The following ARHGEF1 variants were observed in gnomAD, a reference collection of about 807,000 sequenced individuals.
ARHGEF1 encodes 115 kDa guanine nucleotide exchange factor.
ARHGEF1 carries 40 observed loss-of-function variants against 119.7 expected under a neutral mutation model. The ratio of observed to expected loss-of-function variants is 0.33; its 90% confidence interval spans 0.26 to 0.44. The LOEUF (loss-of-function observed/expected upper bound fraction) is 0.44, where lower values mean the gene tolerates loss of function less well. Ranked by LOEUF, ARHGEF1 falls within the 20% of genes least tolerant of loss-of-function variation. The probability of loss-of-function intolerance (pLI) is 1.00; values close to 1 mark genes in which losing one functional copy is unlikely to be tolerated. For missense variants in ARHGEF1, 976 were observed against 1,268.3 expected, an observed-to-expected ratio of 0.77 and a Z score of 3.50; for synonymous variants, 494 against 521.0, an observed-to-expected ratio of 0.95 and a Z score of 0.71.
At chr19:41,893,718 T>C (rs10415864) in intron 8 of ARHGEF1, among the ~76,000 whole-genome samples, 3 of 19,470 alleles carry the variant, frequency 1.5e-4, no homozygotes, top group African/African-American at 3.9e-4. Context: ...GGCCTGGACG[T>C]CTGGGTCTGA....
rs1555850302 is a variant in ARHGEF1 at position 41,906,683 on chromosome 19, C to T, written c.2656-20C>T. 1 of 1,602,186 alleles carries T rather than the reference C, an allele frequency of 6.2e-7. No homozygotes were observed. The highest frequency in any genetic ancestry group is 1.3e-5 in the African/African-American group (1 of 74,188). ...GGGGAAGGAAGGGGCCCCCCTCATC[C>T]ATGACCCCCACCCCACCAGGAGTTG... On this transcript the variant is annotated intron_variant, in intron 27 of 28. Coordinates refer to ENST00000354532, the MANE Select transcript of ARHGEF1 (RefSeq NM_004706.4). The surrounding 1 kb of genome is among the most constrained non-coding windows in gnomAD (Gnocchi z 4.5).
chr19:41,888,832 G>A lies in ARHGEF1; in HGVS notation c.192G>A (p.Gln64=). The A allele has an allele frequency of 6.2e-7, 1 of 1,614,230 alleles. No homozygotes were observed. Among genetic ancestry groups the A allele is most frequent in the South Asian group, 1.1e-5 (1 of 91,086 alleles). Residue 64 remains glutamine (Q), a synonymous_variant, in exon 4 of 29, where the codon CAG becomes CAA. Transcript: ENST00000354532. This position sits in a 1 kb window ranked among gnomAD's most constrained non-coding sequence, Gnocchi z 5.1. ...CAGCCCACCTCATGGCCCTCCTGCAGCACGTGGCCCTGCAGTTTGAGCCAG... is the reference window on the plus strand; with the variant it reads ...CAGCCCACCTCATGGCCCTCCTGCAACACGTGGCCCTGCAGTTTGAGCCAG... ...RRPAHLMALL[Q]HVALQFEPGP... is the part of the protein sequence containing the mutation.
Position 41,905,240 on chromosome 19 carries a change from AGCCCCG to A in ARHGEF1, c.2320_2325del (p.Arg774_Pro775del). 1.2e-6 allele frequency: 2 copies of A among 1,613,726 alleles called. No homozygotes were observed. Among genetic ancestry groups the A allele is most frequent in the Non-Finnish European group, 1.7e-6 (2 of 1,179,890 alleles). ...GTCCCTGCCCCTGCCTCTCGCCCTA[AGCCCCG>A]GCCCAGCCCGAGCAGGTGAGGGGGG... On this transcript the variant is annotated inframe_deletion, in exon 24 of 29. Transcript: ENST00000354532. The surrounding 1 kb of genome is among the most constrained non-coding windows in gnomAD (Gnocchi z 6.4).
At position 41,916,882 on chromosome 19, in the gene ARHGEF1, A is replaced by G. The variant is rs2145896939; in HGVS notation, c.1866-6210A>G. Among the ~76,000 whole-genome samples the G allele has an allele frequency of 6.6e-6, 1 of 152,124 alleles. No homozygotes were observed. The highest frequency in any genetic ancestry group is 6.5e-5 in the Admixed American group (1 of 15,282). ...CAGAGGTACACACAGACACACCCAGACACACTGGGTAGGGGTGGGCACTCA... is the reference window on the plus strand; with the variant it reads ...CAGAGGTACACACAGACACACCCAGGCACACTGGGTAGGGGTGGGCACTCA... On this transcript the variant is annotated intron_variant, in intron 18 of 20. Transcript: ENST00000599589. The surrounding 1 kb of genome is among the most constrained non-coding windows in gnomAD (Gnocchi z 5.4).
In ARHGEF1 at chr19:41,905,458, G is replaced by C; in HGVS notation, c.2336+197G>C. 3 of 616,444 alleles carry C rather than the reference G, an allele frequency of 4.9e-6. No homozygotes were observed. In the South Asian group the frequency reaches 5.9e-5, roughly 12 times the overall value. 38.2% of individuals were successfully genotyped at this position (616,444 alleles called of 1,614,324 possible). On this transcript the variant is annotated intron_variant, in intron 24 of 28. Transcript: ENST00000354532. This position sits in a 1 kb window ranked among gnomAD's most constrained non-coding sequence, Gnocchi z 6.4. Reference sequence around the variant, plus strand: ...AGTGTGTGTATGCATGCATGTGTGCGTGTGCATGTGTGTGCGTGTATGGTG... The same window carrying C: ...AGTGTGTGTATGCATGCATGTGTGCCTGTGCATGTGTGTGCGTGTATGGTG...
chr19:41,920,179 C>T (rs1245448910), upstream of ARHGEF1, among the ~76,000 whole-genome samples: 13 of 127,472 alleles, frequency 1.0e-4, no homozygotes, highest in South Asian at 4.0e-4. Context: ...AGACATGACA[C>T]GCTCACAGAC....
At chr19:41,898,210 C>G (rs1300831921) in intron 13 of ARHGEF1, 2 of 1,394,596 alleles carry the variant, frequency 1.4e-6, no homozygotes, top group Non-Finnish European at 1.9e-6. Flanking sequence ...CGTTGGAGAC[C>G]GAGGTCATTG....
Position 41,892,745 on chromosome 19 carries a change from G to C in ARHGEF1, c.510G>C (p.Gln170His). 1 of 1,610,750 alleles carries C rather than the reference G, an allele frequency of 6.2e-7. No homozygotes were observed. The change falls in exon 7 of 29, where the codon CAG becomes CAC. Residue 170 changes from glutamine to histidine, a missense_variant. Coordinates refer to ENST00000354532, the MANE Select transcript of ARHGEF1 (RefSeq NM_004706.4). The surrounding 1 kb of genome is among the most constrained non-coding windows in gnomAD (Gnocchi z 6.3). ...KRLMGMTPWE[Q>H]ELAQLEAWVG... Reference sequence around the variant, plus strand: ...TCATGGGCATGACGCCCTGGGAGCAGGAGCTGGCCCAGCTGGAGGCTTGGG... The same window carrying C: ...TCATGGGCATGACGCCCTGGGAGCACGAGCTGGCCCAGCTGGAGGCTTGGG...
chr19:41,887,760 C>T (rs2074315456), intron 1 of ARHGEF1, among the ~76,000 whole-genome samples: 1 of 152,164 alleles, frequency 6.6e-6, no homozygotes, highest in African/African-American at 2.4e-5. Flanking sequence ...TCCAGGCCCC[C>T]AGCCCCCTCT....
Position 41,917,548 on chromosome 19 carries a change from A to G in ARHGEF1, c.1866-5544A>G, listed in dbSNP as rs1338339877. Among the ~76,000 whole-genome samples, 2 of 145,532 alleles carry G rather than the reference A, an allele frequency of 1.4e-5. No individual in the cohort carries two copies. Among genetic ancestry groups the G allele is most frequent in the Non-Finnish European group, 3.0e-5 (2 of 67,196 alleles). ...AAAATTGATTTTTTTTTTAAATTTC[A>G]TATCTTCTCCGGGGCTCTGTCTAAA... On this transcript the variant is annotated intron_variant, in intron 18 of 20. Coordinates refer to the ARHGEF1 transcript ENST00000599589. This position sits in a 1 kb window ranked among gnomAD's most constrained non-coding sequence, Gnocchi z 4.8.
At position 41,903,555 on chromosome 19, in the gene ARHGEF1, GCA is replaced by G; in HGVS notation, c.1839+149_1839+150del. The G allele has an allele frequency of 9.1e-7, 1 of 1,096,996 alleles. No individual in the cohort carries two copies. 68.0% of individuals were successfully genotyped at this position (1,096,996 alleles called of 1,614,324 possible). A position where few individuals can be genotyped will look rare whatever the true frequency, so the allele number is the denominator to read the frequency against. On this transcript the variant is annotated intron_variant, in intron 19 of 28. Transcript: ENST00000354532. This position sits in a 1 kb window ranked among gnomAD's most constrained non-coding sequence, Gnocchi z 4.2. ...TGTCCAGGGGTTGGCTTGGCCCTCA[GCA>G]TCTCCCTCTCAGGGTCATTGGAGGT...
chr19:41,915,451 T>G (rs2074795138), intron 18 of ARHGEF1, among the ~76,000 whole-genome samples: 2 of 151,788 alleles, frequency 1.3e-5, no homozygotes, highest in African/African-American at 4.8e-5. Context: ...CCCTGTCTCT[T>G]GGTTCCCACG....
Position 41,892,018 on chromosome 19 carries a change from C to G in ARHGEF1, c.226-7C>G. 1 of 1,599,618 alleles carries G rather than the reference C, an allele frequency of 6.3e-7. No homozygotes were observed. Among genetic ancestry groups the G allele is most frequent in the South Asian group, 1.1e-5 (1 of 89,822 alleles). On this transcript the variant is annotated splice_polypyrimidine_tract_variant and splice_region_variant and intron_variant, in intron 4 of 28. Coordinates refer to ENST00000354532, the MANE Select transcript of ARHGEF1 (RefSeq NM_004706.4). The surrounding 1 kb of genome is among the most constrained non-coding windows in gnomAD (Gnocchi z 6.3). ...GAGCGGAGAGTCATGCTGTGTGTCT[C>G]CCCCAGCTTTGCTGTCTGCATGCCG...
At chr19:41,926,707 C>T (rs973136632) in intron 1 of ARHGEF1, among the ~76,000 whole-genome samples, 4 of 147,422 alleles carry the variant, frequency 2.7e-5, no homozygotes, top group African/African-American at 4.9e-5. Flanking sequence ...CCGCGGCGGC[C>T]GGCCGGGAGG....
chr19:41,897,132 G>A lies in ARHGEF1; in HGVS notation c.1121+650G>A, dbSNP rs140396923. Reference sequence around the variant, plus strand: ...GCCTCGCTCCTGCCTCCTGGTGCCCGTCCCTCAACCCCCCACCCCTCTGCT... The same window carrying A: ...GCCTCGCTCCTGCCTCCTGGTGCCCATCCCTCAACCCCCCACCCCTCTGCT... On this transcript the variant is annotated intron_variant, in intron 13 of 28. Coordinates refer to ENST00000354532, the MANE Select transcript of ARHGEF1 (RefSeq NM_004706.4). The A allele has an allele frequency of 3.1e-4, 93 of 297,326 alleles. No individual in the cohort carries two copies. In the East Asian group the frequency reaches 6.0e-3, roughly 19 times the overall value. 18.4% of individuals were successfully genotyped at this position (297,326 alleles called of 1,614,324 possible).
intron 13 of ARHGEF1, 161 bp from the exon 14 acceptor site, chr19:41,898,281 G>A: frequency 7.6e-7 from 1 of 1,320,238 alleles, no homozygotes; most frequent in South Asian, 1.5e-5. Flanking sequence ...AGAGATCTGG[G>A]AACTCTAGTG....
chr19:41,893,047 C>G (rs1384791266), intron 7 of ARHGEF1, 198 bp downstream of exon 7: 2 of 1,046,446 alleles, frequency 1.9e-6, no homozygotes, highest in Admixed American at 6.0e-5. Context: ...TTGGGGTTCC[C>G]TTGTCATTTC....
chr19:41,883,647 AGTTG>A lies in ARHGEF1; in HGVS notation c.-20+360_-20+363del, dbSNP rs1313511011. Among the ~76,000 whole-genome samples the A allele has an allele frequency of 6.6e-6, 1 of 151,446 alleles. No individual in the cohort carries two copies. The highest frequency in any genetic ancestry group is 1.5e-5 in the Non-Finnish European group (1 of 67,872). Reference sequence around the variant, plus strand: ...GAACGCACATCGTGAGAAAGTGTGGAGTTGGGATTTGAACTCGCACGTGCTTTCC... The same window carrying A: ...GAACGCACATCGTGAGAAAGTGTGGAGGATTTGAACTCGCACGTGCTTTCC... On this transcript the variant is annotated intron_variant, in intron 1 of 28. Transcript: ENST00000354532. This position sits in a 1 kb window ranked among gnomAD's most constrained non-coding sequence, Gnocchi z 7.6.
rs782692203 is a variant in ARHGEF1 at position 41,892,308 on chromosome 19, AC to A, written c.325-19del. 8.7e-6 allele frequency: 14 copies of A among 1,613,128 alleles called. No individual in the cohort carries two copies. The South Asian group carries it at 1.5e-4, about 18-fold the overall frequency. Reference sequence around the variant, plus strand: ...CTCAGCACACCAAGTCCTCCTCTTCACCCCATTCTCTCTCTTGAGCAGGTTC... The same window carrying A: ...CTCAGCACACCAAGTCCTCCTCTTCACCCATTCTCTCTCTTGAGCAGGTTC... On this transcript the variant is annotated intron_variant, in intron 5 of 28. Transcript: ENST00000354532. This position sits in a 1 kb window ranked among gnomAD's most constrained non-coding sequence, Gnocchi z 6.3.
Sources: gnomAD v4.1 joint callset for allele counts (sites outside exome capture counted in the v4.1 genomes callset) on GRCh38, gnomAD v4.1.1 for gene constraint, Gnocchi (gnomAD v3.1) non-coding constraint, MANE v1.5 for transcripts, NCBI Gene and HGNC (gene_info 2026-07-23, HGNC 2026-07-21) for gene names.